Variants in TPRG1 observed in about 807,000 individuals in gnomAD.
TPRG1 encodes the protein tumor protein p63 regulated 1.
TPRG1 carries 29 observed loss-of-function variants against 29.3 expected under a neutral mutation model. The ratio of observed to expected loss-of-function variants is 0.99; its 90% CI spans 0.74 to 1.35. TPRG1 has a LOEUF of 1.35. Among genes scored for constraint, TPRG1 ranks in the 40% most tolerant of loss-of-function variants. The pLI is 0.00. For synonymous variants in TPRG1, 130 were observed against 116.8 expected (o/e 1.11, Z -0.73); for missense variants, 327 against 335.0 (o/e 0.98, Z 0.19).
intron 4 of TPRG1, among the ~76,000 whole-genome samples, chr3:189,288,046 CAG>C (rs1221240659): frequency 6.6e-6 from 1 of 150,406 alleles, no homozygotes; most frequent in Non-Finnish European, 1.5e-5. Flanking sequence ...ATGTCTGAGA[CAG>C]TGAGAGAGAA....
At chr3:189,302,337 C>T (rs1422616453) in intron 4 of TPRG1, among the ~76,000 whole-genome samples, 1 of 152,094 alleles carries the variant, frequency 6.6e-6, no homozygotes, top group East Asian at 1.9e-4. Flanking sequence ...CTTCTGAATC[C>T]TCATCACAAT....
At chr3:189,049,094 C>T (rs1715148733) in intron 4 of TPRG1, among the ~76,000 whole-genome samples, 1 of 152,190 alleles carries the variant, frequency 6.6e-6, no homozygotes, top group African/African-American at 2.4e-5. Context: ...AAGGAATTCT[C>T]TAGCTGAACT....
intron 4 of TPRG1, among the ~76,000 whole-genome samples, chr3:189,304,816 GGGAAAGGA>G (rs1183193446): frequency 6.6e-6 from 1 of 152,214 alleles, no homozygotes; most frequent in African/African-American, 2.4e-5. Flanking sequence ...CTAAGGTAGG[GGGAAAGGA>G]GACATTAAGA....
chr3:189,304,896 C>A (rs1721393422), intron 4 of TPRG1, among the ~76,000 whole-genome samples: 1 of 152,180 alleles, frequency 6.6e-6, no homozygotes. Flanking sequence ...CTCCCACTCA[C>A]AGCCTCCCTC....
chr3:189,268,408 C>T (rs1040486899), intron 4 of TPRG1, among the ~76,000 whole-genome samples: 1 of 152,108 alleles, frequency 6.6e-6, no homozygotes, highest in East Asian at 1.9e-4. Context: ...GGACTGAACC[C>T]AGGTGCCTGA....
intron 4 of TPRG1, among the ~76,000 whole-genome samples, chr3:189,291,192 C>T (rs981878068): frequency 1.3e-5 from 2 of 152,118 alleles, no homozygotes; most frequent in Admixed American, 6.6e-5. Flanking sequence ...TGAGCCACCG[C>T]ACCCAGCCGG....
At chr3:189,068,268 C>T (rs1488149402) in intron 4 of TPRG1, among the ~76,000 whole-genome samples, 1 of 152,042 alleles carries the variant, frequency 6.6e-6, no homozygotes, top group Non-Finnish European at 1.5e-5. Context: ...CCTCAGAAAA[C>T]TAAAAATAAA....
intron 3 of TPRG1, among the ~76,000 whole-genome samples, chr3:189,137,684 G>T (rs796609621): frequency 3.9e-5 from 6 of 152,248 alleles, no homozygotes; most frequent in African/African-American, 1.4e-4. Context: ...GGGAGAGAGA[G>T]GCAGGAGGCC....
At chr3:189,024,566 T>G (rs1339769934) in intron 4 of TPRG1, among the ~76,000 whole-genome samples, 1 of 152,200 alleles carries the variant, frequency 6.6e-6, no homozygotes, top group African/African-American at 2.4e-5. Context: ...AGCTGTGCTG[T>G]GCTGGGGGGT....
intron 3 of TPRG1, among the ~76,000 whole-genome samples, chr3:189,230,586 C>G (rs946216228): frequency 3.3e-5 from 5 of 152,130 alleles, no homozygotes; most frequent in African/African-American, 4.8e-5. Flanking sequence ...AACAGCATTT[C>G]GCTTTACCTA....
At chr3:189,068,877 AT>A (rs895453206) in intron 4 of TPRG1, among the ~76,000 whole-genome samples, 3 of 152,192 alleles carry the variant, frequency 2.0e-5, no homozygotes, top group African/African-American at 7.2e-5. Flanking sequence ...GGAGAACATT[AT>A]GTTAAGTAAA....
At chr3:189,174,095 G>T (rs553360238) in intron 1 of TPRG1, among the ~76,000 whole-genome samples, 1 of 152,242 alleles carries the variant, frequency 6.6e-6, no homozygotes, top group Admixed American at 6.5e-5. Context: ...CACTCAGTTT[G>T]ATCCTTTTAA....
intron 2 of TPRG1, among the ~76,000 whole-genome samples, chr3:189,004,312 C>T (rs1184418539): frequency 6.6e-6 from 1 of 152,110 alleles, no homozygotes; most frequent in Admixed American, 6.6e-5. Context: ...AAATCTGTTT[C>T]CCACTCCTGT....
intron 4 of TPRG1, among the ~76,000 whole-genome samples, chr3:189,054,612 C>T (rs1193932255): frequency 6.6e-6 from 1 of 151,920 alleles, no homozygotes; most frequent in Non-Finnish European, 1.5e-5. Flanking sequence ...TACACACACA[C>T]ACCCACAGAT....
intron 5 of TPRG1, among the ~76,000 whole-genome samples, chr3:189,164,841 A>G (rs546920161): frequency 2.4e-4 from 37 of 152,248 alleles, no homozygotes; most frequent in Middle Eastern, 3.4e-3. Flanking sequence ...CACAGCTCCC[A>G]TGTCCCCCTG....
At chr3:189,115,242 T>C (rs1465692967) in intron 1 of TPRG1, among the ~76,000 whole-genome samples, 2 of 152,224 alleles carry the variant, frequency 1.3e-5, no homozygotes, top group Non-Finnish European at 1.5e-5. Flanking sequence ...CTCAAATGGA[T>C]CAGAATTTGA....
chr3:189,112,253 T>A (rs1048759718), intron 1 of TPRG1, among the ~76,000 whole-genome samples: 3 of 152,186 alleles, frequency 2.0e-5, no homozygotes, highest in Non-Finnish European at 2.9e-5. Flanking sequence ...TATTGGTCTA[T>A]AATTTTCTCT....
intron 4 of TPRG1, among the ~76,000 whole-genome samples, chr3:189,248,132 T>C (rs1741627954): frequency 6.6e-6 from 1 of 151,890 alleles, no homozygotes; most frequent in Non-Finnish European, 1.5e-5. Flanking sequence ...CTGAACCTGG[T>C]GCTTTTAAAG....
chr3:189,130,821 A>C (rs1723027770), intron 2 of TPRG1, among the ~76,000 whole-genome samples: 1 of 152,220 alleles, frequency 6.6e-6, no homozygotes, highest in South Asian at 2.1e-4. Flanking sequence ...TTTCATTTAC[A>C]TTCTTCCTCA....
Sources: gnomAD v4.1 joint callset for allele counts (sites outside exome capture counted in the v4.1 genomes callset) on GRCh38, gnomAD v4.1.1 for gene constraint, MANE v1.5 for transcripts, NCBI Gene and HGNC (gene_info 2026-07-23, HGNC 2026-07-21) for gene names.